CNTLN: variants seen among roughly 807,000 people sequenced by gnomAD.
The protein encoded by CNTLN is centlein, centrosomal protein.
Under a neutral mutation model 180.0 loss-of-function variants are expected in CNTLN, and 212 were observed. That is an observed-to-expected ratio of 1.18 (90% confidence interval 1.05 to 1.32). The LOEUF (loss-of-function observed/expected upper bound fraction) is 1.32, where lower values mean the gene tolerates loss of function less well. Among genes scored for constraint, CNTLN ranks in the 40% most tolerant of loss-of-function variants. The pLI is 0.00. For missense variants in CNTLN, 2,095 were observed against 1,610.9 expected, an observed-to-expected ratio of 1.30 and a Z score of -5.14; for synonymous variants, 722 against 563.1, an observed-to-expected ratio of 1.28 and a Z score of -3.99.
At chr9:17,514,114 C>A in the CNTLN span, among the ~76,000 whole-genome samples, 2 of 150,256 alleles carry the variant, frequency 1.3e-5, no homozygotes, top group Non-Finnish European at 3.0e-5. Flanking sequence ...TTGAGACCAG[C>A]CTAGGCAACA....
At chr9:17,356,899 C>G (rs1307399256) in intron 12 of CNTLN, among the ~76,000 whole-genome samples, 8 of 152,024 alleles carry the variant, frequency 5.3e-5, no homozygotes, top group Admixed American at 5.2e-4. Context: ...TCCTGCCCTC[C>G]CCATATACCT....
intron 23 of CNTLN, among the ~76,000 whole-genome samples, chr9:17,475,637 C>T (rs1832292181): frequency 6.6e-6 from 1 of 151,748 alleles, no homozygotes; most frequent in Non-Finnish European, 1.5e-5. Context: ...CTTCGGGAGG[C>T]CGAGGTGGGT....
chr9:17,440,314 C>G (rs866253677), intron 18 of CNTLN, among the ~76,000 whole-genome samples: 1 of 151,576 alleles, frequency 6.6e-6, no homozygotes, highest in South Asian at 2.1e-4. Flanking sequence ...TGGCTCAAGC[C>G]TGTAATCCCA....
intron 9 of CNTLN, among the ~76,000 whole-genome samples, chr9:17,331,661 T>C (rs1005198812): frequency 2.0e-5 from 3 of 152,106 alleles, no homozygotes; most frequent in East Asian, 3.9e-4. Flanking sequence ...ATTTAAAATT[T>C]GAACCATGTT....
At chr9:17,290,864 G>A (rs974631162) in intron 6 of CNTLN, among the ~76,000 whole-genome samples, 1 of 152,184 alleles carries the variant, frequency 6.6e-6, no homozygotes, top group African/African-American at 2.4e-5. Flanking sequence ...GCCCTGCTTC[G>A]GCTCGCGCAT....
intron 5 of CNTLN, 84 bp from the exon 6 acceptor site, chr9:17,273,649 T>A: frequency 1.4e-6 from 1 of 696,854 alleles, no homozygotes; most frequent in Non-Finnish European, 2.2e-6. Context: ...TCTGTCATTT[T>A]GTAGAATAAT....
Position 17,340,858 on chromosome 9 carries a change from A to T in CNTLN, c.1676A>T (p.His559Leu), listed in dbSNP as rs977229333. ...GAAAATGATGAGCTAAGAGATGCCC[A>T]TGAAAAACGCAAGGAACGGCTACAG... ...SQENDELRDA[H>L]EKRKERLQML... The change falls in exon 11 of 26, where the codon CAT (histidine) becomes CTT (leucine). Residue 559 changes from histidine (H) to leucine (L), a missense_variant. Physicochemically the swap from His to Leu is moderately conservative, Grantham distance 99. Coordinates refer to ENST00000380647, the MANE Select transcript of CNTLN (RefSeq NM_017738.4). The T allele has an allele frequency of 6.2e-6, 10 of 1,612,042 alleles. No homozygotes were observed. Among genetic ancestry groups the T allele is most frequent in the South Asian group, 1.1e-5 (1 of 90,860 alleles).
chr9:17,496,528 C>T (rs1260819762), intron 25 of CNTLN, among the ~76,000 whole-genome samples: 2 of 152,184 alleles, frequency 1.3e-5, no homozygotes, highest in African/African-American at 4.8e-5. Context: ...TCTCTTAATA[C>T]CATCACATTG....
rs147737661 is a variant in CNTLN, at chr9:17,221,741, A to T, written c.450-4462A>T. On this transcript the variant is annotated intron_variant, in intron 2 of 25. Transcript: ENST00000380647. ...TTTTTCCTGGCCCGCTTACTATCTCAGTATCCTAGAATGTTTTGTTTTCTC... is the reference window on the plus strand; with the variant it reads ...TTTTTCCTGGCCCGCTTACTATCTCTGTATCCTAGAATGTTTTGTTTTCTC... 1.5e-3 allele frequency among the ~76,000 whole-genome samples: 224 copies of T among 152,038 alleles called. 1 individual carries two copies. Among genetic ancestry groups the T allele is most frequent in the African/African-American group, 5.1e-3 (210 of 41,494 alleles).
chr9:17,419,443 A>G (rs1039857581), intron 18 of CNTLN, among the ~76,000 whole-genome samples: 10 of 152,286 alleles, frequency 6.6e-5, no homozygotes, highest in African/African-American at 2.4e-4. Flanking sequence ...AAAACATGCT[A>G]GCCCCATTCT....
chr9:17,525,371 T>C, the CNTLN span, among the ~76,000 whole-genome samples: 5 of 152,196 alleles, frequency 3.3e-5, no homozygotes, highest in East Asian at 7.7e-4. Flanking sequence ...AAAGTGTTTT[T>C]ATATAATAAC....
intron 6 of CNTLN, among the ~76,000 whole-genome samples, chr9:17,294,475 C>T (rs750492261): frequency 6.6e-6 from 1 of 151,646 alleles, no homozygotes; most frequent in Non-Finnish European, 1.5e-5. Context: ...CATCCACAAA[C>T]CCTGAGGTAG....
intron 2 of CNTLN, among the ~76,000 whole-genome samples, chr9:17,159,410 G>T (rs1357680112): frequency 1.3e-5 from 2 of 152,144 alleles, no homozygotes; most frequent in African/African-American, 4.8e-5. Flanking sequence ...TCTAGGAGCT[G>T]ATTGCTTAGT....
chr9:17,516,794 G>A, the CNTLN span, among the ~76,000 whole-genome samples: 3 of 152,082 alleles, frequency 2.0e-5, no homozygotes, highest in African/African-American at 4.8e-5. Context: ...GCCATATTTT[G>A]AGGTAGCATT....
chr9:17,404,735 C>CA (rs1323927079), intron 15 of CNTLN, among the ~76,000 whole-genome samples: 1 of 115,084 alleles, frequency 8.7e-6, no homozygotes, highest in Non-Finnish European at 1.7e-5. Flanking sequence ...CCTTCTGAAA[C>CA]AAATTTTTTT....
At chr9:17,284,991 T>A (rs1828891470) in intron 6 of CNTLN, among the ~76,000 whole-genome samples, 1 of 145,856 alleles carries the variant, frequency 6.9e-6, no homozygotes, top group Admixed American at 6.8e-5. Context: ...ACTTCTTGAT[T>A]TCTGCCTTAA....
At chr9:17,307,506 G>A (rs1818802717) in intron 7 of CNTLN, among the ~76,000 whole-genome samples, 1 of 152,108 alleles carries the variant, frequency 6.6e-6, no homozygotes, top group African/African-American at 2.4e-5. Flanking sequence ...CTGAGCTCAG[G>A]TGATCTGCCC....
At chr9:17,178,548 A>G (rs114638020) in intron 2 of CNTLN, among the ~76,000 whole-genome samples, 2,886 of 152,112 alleles carry the variant, frequency 0.019, 56 homozygotes, top group African/African-American at 0.05. Context: ...AGGCATGGCG[A>G]ATTGCAGGTC....
At chr9:17,324,542 T>C (rs1388275376) in intron 8 of CNTLN, among the ~76,000 whole-genome samples, 1 of 152,162 alleles carries the variant, frequency 6.6e-6, no homozygotes, top group African/African-American at 2.4e-5. Flanking sequence ...TTACTAATTT[T>C]TGTCAGTACA....
Sources: gnomAD v4.1 joint callset for allele counts (sites outside exome capture counted in the v4.1 genomes callset) on GRCh38, gnomAD v4.1.1 for gene constraint, MANE v1.5 for transcripts, NCBI Gene and HGNC (gene_info 2026-07-23, HGNC 2026-07-21) for gene names.